The following PLCL2 variants were observed in gnomAD, a reference collection of about 807,000 sequenced individuals.
The protein encoded by PLCL2 is inactive phospholipase C-like protein 2.
Under a neutral mutation model 79.6 loss-of-function variants are expected in PLCL2, and 4 were observed. The observed-to-expected ratio is 0.05, with a 90% CI of 0.02 to 0.11. The LOEUF is 0.11. Ranked by LOEUF, PLCL2 falls within the 10% of genes least tolerant of loss-of-function variation. PLCL2 has a pLI of 1.00. For missense variants in PLCL2, 895 were observed against 1,291.0 expected (o/e 0.69, Z 4.70); for synonymous variants, 484 against 457.7 (o/e 1.06, Z -0.73).
intron 1 of PLCL2, among the ~76,000 whole-genome samples, chr3:16,908,895 A>G (rs1297202612): frequency 6.6e-6 from 1 of 152,222 alleles, no homozygotes; most frequent in African/African-American, 2.4e-5. Context: ...TATTTTCTGA[A>G]GATGTGTAAT....
intron 1 of PLCL2, among the ~76,000 whole-genome samples, chr3:16,991,608 G>A (rs2064106189): frequency 6.6e-6 from 1 of 152,158 alleles, no homozygotes. Context: ...GTATGGGGTA[G>A]TGGGTCACAA....
chr3:17,028,684 T>C (rs533541797), intron 3 of PLCL2, among the ~76,000 whole-genome samples: 10 of 152,098 alleles, frequency 6.6e-5, no homozygotes, highest in Admixed American at 3.9e-4. Flanking sequence ...GGTTTTGCCA[T>C]GTTGCTCAGG....
chr3:17,033,204 G>C (rs563904204), intron 3 of PLCL2, among the ~76,000 whole-genome samples: 21 of 152,244 alleles, frequency 1.4e-4, no homozygotes, highest in Non-Finnish European at 2.8e-4. Context: ...GTTGAGAATA[G>C]CTAGCTTCCT....
intron 1 of PLCL2, among the ~76,000 whole-genome samples, chr3:16,917,556 T>G (rs1697026160): frequency 6.6e-6 from 1 of 152,134 alleles, no homozygotes; most frequent in Admixed American, 6.5e-5. Flanking sequence ...TACTCACATG[T>G]TGGGTACCTT....
At position 17,017,882 on chromosome 3, in the gene PLCL2, T is replaced by A. The variant is rs143345858; in HGVS notation, c.3018+2971T>A. ...CTAGTTTCTTTGTGAAAACGGAGAATGCAGATCGTTGTCCTAATGGCTGCC... is the reference window on the plus strand; with the variant it reads ...CTAGTTTCTTTGTGAAAACGGAGAAAGCAGATCGTTGTCCTAATGGCTGCC... On this transcript the variant is annotated intron_variant, in intron 3 of 5. Transcript: ENST00000615277. Among the ~76,000 whole-genome samples the A allele has an allele frequency of 3.8e-3, 585 of 152,290 alleles. 1 individual carries two copies. The highest frequency in any genetic ancestry group is 0.013 in the African/African-American group (534 of 41,558).
At chr3:16,915,245 C>A (rs12495284) in intron 1 of PLCL2, among the ~76,000 whole-genome samples, 2,909 of 152,274 alleles carry the variant, frequency 0.019, 37 homozygotes, top group Non-Finnish European at 0.027. Context: ...TGATAAAGGT[C>A]TAGAAGTTGC....
chr3:17,023,769 G>A (rs893954382), intron 3 of PLCL2, among the ~76,000 whole-genome samples: 11 of 152,126 alleles, frequency 7.2e-5, no homozygotes, highest in African/African-American at 1.9e-4. Flanking sequence ...GGGAACCTGA[G>A]CAAAAATCTA....
rs1361323459 is a variant in PLCL2 at position 16,922,456 on chromosome 3, G to A, written c.327+37090G>A. Among the ~76,000 whole-genome samples the A allele has an allele frequency of 2.6e-5, 4 of 152,200 alleles. No individual in the cohort carries two copies. The East Asian group carries it at 7.7e-4, about 29-fold the overall frequency. On this transcript the variant is annotated intron_variant, in intron 1 of 5. Transcript: ENST00000615277. The stretch of plus-strand genomic sequence containing the variant: ...AGATCTCGTAATTCCACCATATATA[G>A]CTATGGAGGAGGCCAAATTAGGGAA...
chr3:17,010,633 G>A lies in PLCL2; in HGVS notation c.1287G>A (p.Lys429=). Residue 429 remains lysine (K), a synonymous_variant, in exon 2 of 6, where the codon AAG becomes AAA. Coordinates refer to ENST00000615277, the MANE Select transcript of PLCL2 (RefSeq NM_001144382.2). The surrounding 1 kb of genome is among the most constrained non-coding windows in gnomAD (Gnocchi z 5.8). ...PEHKKVCQDM[K]QPLSHYFINS... ...ATAAGAAGGTCTGTCAGGATATGAA[G>A]CAACCTCTGTCTCATTACTTTATAA... is the stretch of plus-strand genomic sequence containing the variant. 1 of 1,613,982 alleles carries A rather than the reference G, an allele frequency of 6.2e-7. No individual in the cohort carries two copies. Among genetic ancestry groups the A allele is most frequent in the South Asian group, 1.1e-5 (1 of 91,076 alleles).
At chr3:17,042,811 C>T (rs960487150) in intron 3 of PLCL2, 63 bp from the exon 4 acceptor site, 2 of 1,136,544 alleles carry the variant, frequency 1.8e-6, no homozygotes, top group Non-Finnish European at 1.3e-6. Flanking sequence ...GAGCCTTGTG[C>T]ATGAATGCAG....
At chr3:16,912,476 T>C (rs1414748587) in intron 1 of PLCL2, among the ~76,000 whole-genome samples, 2 of 152,206 alleles carry the variant, frequency 1.3e-5, no homozygotes, top group Non-Finnish European at 2.9e-5. Context: ...TTAACATGTG[T>C]ATAGTGGTTT....
chr3:16,954,489 G>A (rs544450105), intron 1 of PLCL2, among the ~76,000 whole-genome samples: 2 of 152,166 alleles, frequency 1.3e-5, no homozygotes, highest in South Asian at 2.1e-4. Flanking sequence ...ATAAACATAC[G>A]TGTGCATGTG....
chr3:17,090,231 A>G lies in PLCL2; in HGVS notation c.*319A>G, dbSNP rs2065259273. 9 of 1,010,398 alleles carry G rather than the reference A, an allele frequency of 8.9e-6. No individual in the cohort carries two copies. Among genetic ancestry groups the G allele is most frequent in the East Asian group, 8.8e-5 (1 of 11,404 alleles). The allele number at this position is 1,010,398 out of a possible 1,614,324, so 62.6% of individuals were successfully genotyped here. ...AGAAACATTTTCCTAAGTGAAAACA[A>G]TTTCTTAAGATGGAAATGGATTGGA... On this transcript the variant is annotated 3_prime_UTR_variant, in exon 6 of 6. Transcript: ENST00000615277.
At chr3:17,066,148 G>A (rs1044939149) in intron 4 of PLCL2, among the ~76,000 whole-genome samples, 3 of 152,150 alleles carry the variant, frequency 2.0e-5, no homozygotes, top group Non-Finnish European at 4.4e-5. Flanking sequence ...GGTGGAAGGG[G>A]CTTATTCGGT....
chr3:16,934,883 A>G (rs968692839), intron 1 of PLCL2, among the ~76,000 whole-genome samples: 5 of 152,066 alleles, frequency 3.3e-5, no homozygotes, highest in African/African-American at 7.2e-5. Context: ...TGTGCAATGC[A>G]TTTAACATAT....
chr3:16,905,552 T>G (rs1489195560), intron 1 of PLCL2, among the ~76,000 whole-genome samples: 4 of 152,122 alleles, frequency 2.6e-5, no homozygotes, highest in African/African-American at 9.7e-5. Context: ...GTGAGAAGTA[T>G]AATTATTTAC....
intron 1 of PLCL2, among the ~76,000 whole-genome samples, chr3:16,908,280 C>T (rs894997487): frequency 1.3e-5 from 2 of 152,076 alleles, no homozygotes; most frequent in African/African-American, 4.8e-5. Flanking sequence ...CCGTATTATC[C>T]ATAAACATAT....
intron 1 of PLCL2, among the ~76,000 whole-genome samples, chr3:17,002,429 C>T (rs1290579765): frequency 6.6e-6 from 1 of 152,132 alleles, no homozygotes; most frequent in Non-Finnish European, 1.5e-5. Context: ...AATGGACATC[C>T]TTGTCCTGTT....
chr3:17,037,640 A>T (rs140474090), intron 3 of PLCL2, among the ~76,000 whole-genome samples: 1 of 151,814 alleles, frequency 6.6e-6, no homozygotes, highest in African/African-American at 2.4e-5. Context: ...ACTGAGATTC[A>T]AAACAAGATA....
Sources: gnomAD v4.1 joint callset for allele counts (sites outside exome capture counted in the v4.1 genomes callset) on GRCh38, gnomAD v4.1.1 for gene constraint, Gnocchi (gnomAD v3.1) non-coding constraint, MANE v1.5 for transcripts, NCBI Gene and HGNC (gene_info 2026-07-23, HGNC 2026-07-21) for gene names.